FAM184B: variants seen among roughly 807,000 people sequenced by gnomAD.
FAM184B encodes the protein protein FAM184B.
A neutral mutation model predicts 135.9 loss-of-function variants in FAM184B; 111 were observed. The observed-to-expected ratio is 0.82, with a 90% confidence interval of 0.70 to 0.96. FAM184B has a LOEUF of 0.96. Ranked by LOEUF, FAM184B falls within the 40% of genes least tolerant of loss-of-function variation. The probability of loss-of-function intolerance (pLI) is 0.00; values close to 1 mark genes in which losing one functional copy is unlikely to be tolerated. For synonymous variants in FAM184B, 552 were observed against 524.8 expected (o/e 1.05, Z -0.71); for missense variants, 1,375 against 1,323.9 (o/e 1.04, Z -0.60).
chr4:17,693,850 G>T (rs985493016), intron 5 of FAM184B, among the ~76,000 whole-genome samples: 2 of 152,198 alleles, frequency 1.3e-5, no homozygotes, highest in African/African-American at 2.4e-5. Context: ...GGTGGCTCAC[G>T]CCTGTAATCC....
chr4:17,638,599 C>T (rs1221148213), intron 14 of FAM184B, among the ~76,000 whole-genome samples: 2 of 152,300 alleles, frequency 1.3e-5, no homozygotes, highest in Non-Finnish European at 2.9e-5. Context: ...GAGCCTAAAG[C>T]AGTGCTGGGC....
intron 1 of FAM184B, among the ~76,000 whole-genome samples, chr4:17,757,389 T>C (rs1037237766): frequency 6.6e-6 from 1 of 152,160 alleles, no homozygotes; most frequent in Non-Finnish European, 1.5e-5. Flanking sequence ...TGTAAAACTT[T>C]TATGAGACAG....
At chr4:17,736,970 C>T (rs1023977063) in intron 1 of FAM184B, among the ~76,000 whole-genome samples, 23 of 152,092 alleles carry the variant, frequency 1.5e-4, no homozygotes, top group South Asian at 4.1e-4. Context: ...CATGGTGAAA[C>T]GCCATCTCTA....
chr4:17,687,903 C>T (rs1237914526), intron 7 of FAM184B, among the ~76,000 whole-genome samples: 3 of 152,116 alleles, frequency 2.0e-5, no homozygotes, highest in Admixed American at 6.5e-5. Flanking sequence ...CATGGTCATT[C>T]GTTATGGTGA....
intron 1 of FAM184B, among the ~76,000 whole-genome samples, chr4:17,722,361 G>A (rs780656545): frequency 1.1e-4 from 16 of 152,164 alleles, no homozygotes; most frequent in Non-Finnish European, 1.5e-4. Flanking sequence ...AGGTTGTGTG[G>A]TTACTGTCCC....
At position 17,635,012 on chromosome 4, in the gene FAM184B, C is replaced by A. The variant is rs1295198987; in HGVS notation, c.2886G>T (p.Met962Ile). The A allele has an allele frequency of 6.4e-7, 1 of 1,551,010 alleles. No individual in the cohort carries two copies. The highest frequency in any genetic ancestry group is 8.7e-7 in the Non-Finnish European group (1 of 1,146,272). ...AAAACCATTAGAACCAATTTACCTT[C>A]ATGGAAGGGGTCAAATATCCCGGGT... ...NPHPGYLTPS[M>I]KKKKVEDVPS... Residue 962 changes from methionine to isoleucine, a missense_variant, in exon 16 of 18, where the codon ATG becomes ATT. Physicochemically the swap from Met to Ile is conservative, Grantham distance 10. Coordinates refer to ENST00000265018, the MANE Select transcript of FAM184B (RefSeq NM_015688.2).
At chr4:17,662,809 G>A (rs1333932317) in intron 8 of FAM184B, among the ~76,000 whole-genome samples, 1 of 152,228 alleles carries the variant, frequency 6.6e-6, no homozygotes, top group African/African-American at 2.4e-5. Context: ...ATTTTGTGTT[G>A]TCAGACTTCT....
At chr4:17,695,183 G>C (rs1716827679) in intron 5 of FAM184B, among the ~76,000 whole-genome samples, 1 of 135,598 alleles carries the variant, frequency 7.4e-6, no homozygotes, top group Non-Finnish European at 1.6e-5. Context: ...TTCTGAGACA[G>C]GGTCTCGCTC....
At chr4:17,632,825 C>G in intron 17 of FAM184B, 200 bp from the exon 18 acceptor site, 2 of 463,320 alleles carry the variant, frequency 4.3e-6, no homozygotes, top group African/African-American at 3.9e-5. Context: ...ATTTGGAAAA[C>G]AGAAGGTTCA....
At chr4:17,689,160 T>A (rs1474386552) in intron 6 of FAM184B, among the ~76,000 whole-genome samples, 1 of 152,114 alleles carries the variant, frequency 6.6e-6, no homozygotes, top group Non-Finnish European at 1.5e-5. Flanking sequence ...CAATTTCTTT[T>A]GAAAACAAAA....
At chr4:17,735,237 C>T (rs941507463) in intron 1 of FAM184B, among the ~76,000 whole-genome samples, 14 of 151,834 alleles carry the variant, frequency 9.2e-5, no homozygotes, top group Non-Finnish European at 4.4e-5. Context: ...TGCTAAATGA[C>T]GAGTTAATGG....
chr4:17,676,041 A>C (rs1716302987), intron 7 of FAM184B, among the ~76,000 whole-genome samples: 1 of 152,148 alleles, frequency 6.6e-6, no homozygotes, highest in Non-Finnish European at 1.5e-5. Context: ...TGCATTCACA[A>C]CTTGGCTAAC....
chr4:17,756,792 G>A (rs1368803977), intron 1 of FAM184B, among the ~76,000 whole-genome samples: 2 of 152,112 alleles, frequency 1.3e-5, no homozygotes, highest in Non-Finnish European at 2.9e-5. Context: ...AGGCACGGTG[G>A]TGCACACTTG....
intron 1 of FAM184B, among the ~76,000 whole-genome samples, chr4:17,769,691 C>T (rs1450172624): frequency 3.3e-5 from 5 of 152,056 alleles, no homozygotes; most frequent in Non-Finnish European, 7.4e-5. Flanking sequence ...CTCCCCACTC[C>T]CCGATAAGAT....
At chr4:17,642,665 C>A (rs948992576) in intron 12 of FAM184B, among the ~76,000 whole-genome samples, 1 of 152,202 alleles carries the variant, frequency 6.6e-6, no homozygotes, top group Non-Finnish European at 1.5e-5. Flanking sequence ...AACTCTGGCT[C>A]TGTAAGGGGT....
At chr4:17,639,178 T>A (rs979256202) in intron 14 of FAM184B, 72 bp downstream of exon 14, 50 of 1,424,236 alleles carry the variant, frequency 3.5e-5, no homozygotes, top group Non-Finnish European at 2.9e-5. Context: ...CCCAGGGTCA[T>A]TGGGGTGAGT....
chr4:17,773,820 G>A (rs917935908), intron 1 of FAM184B, among the ~76,000 whole-genome samples: 7 of 152,202 alleles, frequency 4.6e-5, no homozygotes, highest in Admixed American at 3.9e-4. Flanking sequence ...CAGGTGATCC[G>A]CCTGCCTTGG....
chr4:17,778,024 T>G (rs1466863047), intron 1 of FAM184B, among the ~76,000 whole-genome samples: 3 of 150,858 alleles, frequency 2.0e-5, no homozygotes, highest in Non-Finnish European at 4.4e-5. Flanking sequence ...TGAGCTTTGA[T>G]CACACCACTG....
At chr4:17,775,797 T>G (rs1718913754) in intron 1 of FAM184B, among the ~76,000 whole-genome samples, 1 of 152,138 alleles carries the variant, frequency 6.6e-6, no homozygotes, top group Non-Finnish European at 1.5e-5. Context: ...CTAAATAATG[T>G]GTACACAGGA....
Sources: allele counts gnomAD v4.1 joint callset (sites outside exome capture counted in the v4.1 genomes callset), GRCh38; gene constraint gnomAD v4.1.1; transcripts MANE v1.5; gene names NCBI Gene and HGNC (gene_info 2026-07-23, HGNC 2026-07-21).